CHST11: variants seen among roughly 807,000 people sequenced by gnomAD.
CHST11 encodes carbohydrate sulfotransferase 11, also known as C4S-1.
CHST11 carries 9 observed loss-of-function variants against 30.4 expected under a neutral mutation model. The observed-to-expected ratio is 0.30, with a 90% CI of 0.18 to 0.52. The LOEUF is 0.52. Ranked by LOEUF, CHST11 falls within the 20% of genes least tolerant of loss-of-function variation. CHST11 has a pLI of 0.97. For missense variants in CHST11, 348 were observed against 460.6 expected (o/e 0.76, Z 2.24); for synonymous variants, 152 against 187.8 (o/e 0.81, Z 1.56).
chr12:104,677,245 G>A (rs1426410511), intron 2 of CHST11, among the ~76,000 whole-genome samples: 1 of 152,154 alleles, frequency 6.6e-6, no homozygotes, highest in Non-Finnish European at 1.5e-5. Context: ...GTCTTGGCCT[G>A]GTCAGAGGGA....
At chr12:104,734,203 G>C (rs924847721) in intron 2 of CHST11, among the ~76,000 whole-genome samples, 1 of 152,236 alleles carries the variant, frequency 6.6e-6, no homozygotes, top group African/African-American at 2.4e-5. Flanking sequence ...AGAAGTGGAC[G>C]TGCTTTTCTG....
At position 104,696,384 on chromosome 12, in the gene CHST11, C is replaced by T. The variant is rs1478964681; in HGVS notation, c.205-60565C>T. On this transcript the variant is annotated intron_variant, in intron 2 of 2. Transcript: ENST00000303694. ...AGGCACGGTGGCTCACGCCTGTAATCGCAGCACTTTGGGAGGCTGAGGCGG... is the reference window on the plus strand; with the variant it reads ...AGGCACGGTGGCTCACGCCTGTAATTGCAGCACTTTGGGAGGCTGAGGCGG... 3.4e-5 allele frequency among the ~76,000 whole-genome samples: 5 copies of T among 148,684 alleles called. No homozygotes were observed. The East Asian group carries it at 7.9e-4, about 23-fold the overall frequency.
At chr12:104,623,664 C>A (rs1472755811) in intron 2 of CHST11, among the ~76,000 whole-genome samples, 1 of 151,834 alleles carries the variant, frequency 6.6e-6, no homozygotes, top group African/African-American at 2.4e-5. Flanking sequence ...GAGCCGAGAT[C>A]GCGCCACTGT....
intron 2 of CHST11, among the ~76,000 whole-genome samples, chr12:104,755,997 G>T (rs1221558733): frequency 1.3e-5 from 2 of 152,090 alleles, no homozygotes; most frequent in Non-Finnish European, 2.9e-5. Context: ...ACCCCAAAAG[G>T]CCAGTGTATG....
intron 2 of CHST11, among the ~76,000 whole-genome samples, chr12:104,664,581 C>CAGG (rs1200938012): frequency 6.6e-6 from 1 of 152,144 alleles, no homozygotes; most frequent in African/African-American, 2.4e-5. Context: ...AGTCCCTCCT[C>CAGG]AGACAGAGCA....
chr12:104,684,941 C>T (rs2039832712), intron 2 of CHST11, among the ~76,000 whole-genome samples: 1 of 152,164 alleles, frequency 6.6e-6, no homozygotes, highest in South Asian at 2.1e-4. Flanking sequence ...GCCTCTAATC[C>T]CCCATGCTGC....
chr12:104,740,412 C>A (rs1035435910), intron 2 of CHST11, among the ~76,000 whole-genome samples: 1 of 152,190 alleles, frequency 6.6e-6, no homozygotes, highest in Admixed American at 6.5e-5. Context: ...TGGAATCCAT[C>A]CCTGCACCTC....
intron 1 of CHST11, among the ~76,000 whole-genome samples, chr12:104,486,084 C>T (rs1466753647): frequency 6.6e-6 from 1 of 152,222 alleles, no homozygotes; most frequent in African/African-American, 2.4e-5. Context: ...CCCTCCCAGC[C>T]TTCCCTGCCT....
rs1265298605 is a variant in CHST11, at chr12:104,676,304, G to C, written c.204+74313G>C. 6.6e-6 allele frequency among the ~76,000 whole-genome samples: 1 copy of C among 152,202 alleles called. No homozygotes were observed. The highest frequency in any genetic ancestry group is 1.5e-5 in the Non-Finnish European group (1 of 68,044). Reference sequence around the variant, plus strand: ...TGAGTTCCTTCCAGAGGTTCCAGTGGAGAATCTGTCCCTTGCCTTTTTTAG... The same window carrying C: ...TGAGTTCCTTCCAGAGGTTCCAGTGCAGAATCTGTCCCTTGCCTTTTTTAG... On this transcript the variant is annotated intron_variant, in intron 2 of 2. Transcript: ENST00000303694. The surrounding 1 kb of genome is among the most constrained non-coding windows in gnomAD (Gnocchi z 4.4).
intron 1 of CHST11, among the ~76,000 whole-genome samples, chr12:104,523,389 A>G (rs939469203): frequency 6.6e-6 from 1 of 152,234 alleles, no homozygotes; most frequent in African/African-American, 2.4e-5. Context: ...GAAGTGTCAT[A>G]TAGATGGGAT....
chr12:104,639,315 T>A (rs1483417231), intron 2 of CHST11, among the ~76,000 whole-genome samples: 1 of 152,196 alleles, frequency 6.6e-6, no homozygotes, highest in Non-Finnish European at 1.5e-5. Context: ...GCCCAAGGAC[T>A]ATATATAAAT....
chr12:104,655,136 C>T (rs835481), intron 2 of CHST11, among the ~76,000 whole-genome samples: 107,839 of 152,136 alleles, frequency 0.71, 39,192 homozygotes, highest in African/African-American at 0.86. Context: ...CCAGTAATAG[C>T]TGATGGAAAT....
rs1397742557 is a variant in CHST11 at position 104,457,415 on chromosome 12, A to G, written c.4A>G (p.Lys2Glu). M[K>E]PALLEVMRMN... ...TCCCCGCAGCCAGGACAAAGCCATG[A>G]AGCCAGCGCTGCTGGAAGTGATGAG... The change falls in exon 1 of 3, where the codon AAG (lysine) becomes GAG (glutamate). Residue 2 changes from lysine (K) to glutamate (E), a missense_variant. Around this residue, in one of 3 missense-constraint regions of CHST11, gnomAD observed 135 missense variants for 155.8 expected, o/e 0.87. Transcript: ENST00000303694. 6.2e-7 allele frequency: 1 copy of G among 1,611,024 alleles called. No homozygotes were observed. Among genetic ancestry groups the G allele is most frequent in the Non-Finnish European group, 8.5e-7 (1 of 1,177,268 alleles).
chr12:104,715,739 C>T (rs1478508784), intron 2 of CHST11, among the ~76,000 whole-genome samples: 2 of 152,120 alleles, frequency 1.3e-5, no homozygotes, highest in African/African-American at 4.8e-5. Context: ...TCCTGTGACT[C>T]CCCTCCCCCT....
At chr12:104,711,091 A>G (rs996364692) in intron 2 of CHST11, among the ~76,000 whole-genome samples, 4 of 151,954 alleles carry the variant, frequency 2.6e-5, no homozygotes, top group African/African-American at 9.7e-5. Flanking sequence ...GGGGGTGTAT[A>G]TTCTTTCTTC....
chr12:104,616,905 T>C (rs1045300397), intron 2 of CHST11, among the ~76,000 whole-genome samples: 6 of 152,076 alleles, frequency 3.9e-5, no homozygotes, highest in African/African-American at 1.4e-4. Flanking sequence ...TTTGTGTAGA[T>C]TGCTGAGACG....
At chr12:104,521,580 A>T (rs1229554786) in intron 1 of CHST11, among the ~76,000 whole-genome samples, 2 of 152,200 alleles carry the variant, frequency 1.3e-5, no homozygotes, top group African/African-American at 4.8e-5. Context: ...CTTAGCTCAG[A>T]CCTAATTCCA....
chr12:104,470,275 T>C (rs147748097), intron 1 of CHST11, among the ~76,000 whole-genome samples: 4 of 152,332 alleles, frequency 2.6e-5, no homozygotes, highest in Admixed American at 1.3e-4. Context: ...TTTAATTGAC[T>C]CACAGTTCTG....
intron 2 of CHST11, among the ~76,000 whole-genome samples, chr12:104,631,623 C>T (rs2039271360): frequency 1.3e-5 from 2 of 152,152 alleles, no homozygotes; most frequent in Non-Finnish European, 2.9e-5. Flanking sequence ...CCCATGGGAT[C>T]AGAATTAAGC....
Sources: gnomAD v4.1 joint callset for allele counts (sites outside exome capture counted in the v4.1 genomes callset) on GRCh38, gnomAD v4.1.1 for gene constraint, gnomAD v4.1.1 regional missense constraint, Gnocchi (gnomAD v3.1) non-coding constraint, MANE v1.5 for transcripts, NCBI Gene and HGNC (gene_info 2026-07-23, HGNC 2026-07-21) for gene names.